Variants in MAP3K7CL observed in about 807,000 individuals in gnomAD.
The protein encoded by MAP3K7CL is MAP3K7 C-terminal like.
In MAP3K7CL, 16 loss-of-function variants were observed where a neutral mutation model predicts 18.6. The observed-to-expected ratio is 0.86, with a 90% CI of 0.58 to 1.31. MAP3K7CL has a LOEUF of 1.31. Ranked by LOEUF, MAP3K7CL falls within the 50% of genes most tolerant of loss-of-function variation. MAP3K7CL has a pLI of 0.00. For missense variants in MAP3K7CL, 163 were observed against 174.4 expected (o/e 0.93, Z 0.37); for synonymous variants, 65 against 66.8 (o/e 0.97, Z 0.13).
chr21:29,081,591 C>G (rs1344710558), upstream of MAP3K7CL, among the ~76,000 whole-genome samples: 2 of 152,216 alleles, frequency 1.3e-5, no homozygotes, highest in African/African-American at 4.8e-5. Flanking sequence ...AAGTATCTGG[C>G]CTTCCCAACT....
intron 4 of MAP3K7CL, among the ~76,000 whole-genome samples, chr21:29,092,967 G>A (rs1461958860): frequency 3.3e-5 from 5 of 152,168 alleles, no homozygotes; most frequent in Non-Finnish European, 7.3e-5. Context: ...GCAGTGGCAC[G>A]ATCTCAGCTC....
At chr21:29,090,023 C>T (rs2085995844) in intron 1 of MAP3K7CL, among the ~76,000 whole-genome samples, 2 of 152,174 alleles carry the variant, frequency 1.3e-5, no homozygotes, top group South Asian at 2.1e-4. Context: ...CTATTCGACC[C>T]ATTTCCTTGC....
At chr21:29,139,298 T>C (rs149478713) in intron 2 of MAP3K7CL, 3 of 152,338 alleles carry the variant, frequency 2.0e-5, no homozygotes, top group Non-Finnish European at 4.4e-5. Flanking sequence ...GCTAGTCAAG[T>C]GAAGCACTGG....
At chr21:29,107,023 A>T (rs118045919) in intron 4 of MAP3K7CL, among the ~76,000 whole-genome samples, 15 of 152,166 alleles carry the variant, frequency 9.9e-5, no homozygotes, top group Non-Finnish European at 1.9e-4. Context: ...GGGGTGTATT[A>T]AAGTCTGACT....
chr21:29,133,001 G>A (rs1397244211), intron 1 of MAP3K7CL, among the ~76,000 whole-genome samples: 2 of 152,054 alleles, frequency 1.3e-5, no homozygotes, highest in South Asian at 4.1e-4. Context: ...CCTTAAAGAG[G>A]CAGGATTGAA....
At chr21:29,143,429 C>CT (rs913726318) in intron 2 of MAP3K7CL, among the ~76,000 whole-genome samples, 41 of 146,944 alleles carry the variant, frequency 2.8e-4, no homozygotes, top group East Asian at 1.4e-3. Flanking sequence ...CTTTTTTTTT[C>CT]TTTTTTTTTT....
At chr21:29,102,541 T>C (rs1334800030) in intron 4 of MAP3K7CL, 2 of 146,860 alleles carry the variant, frequency 1.4e-5, no homozygotes, top group Admixed American at 1.4e-4. Context: ...GGTCTGGAAC[T>C]CCTGAGCTCA....
chr21:29,136,290 C>T (rs2086883793), intron 2 of MAP3K7CL, among the ~76,000 whole-genome samples: 1 of 152,194 alleles, frequency 6.6e-6, no homozygotes, highest in African/African-American at 2.4e-5. Flanking sequence ...CACTTGCCAT[C>T]AAGCGAGCTG....
intron 2 of MAP3K7CL, 34 bp downstream of exon 2, chr21:29,133,448 T>C: frequency 6.9e-7 from 1 of 1,459,072 alleles, no homozygotes. Flanking sequence ...ATTGTTTCCT[T>C]CATACCCCAC....
chr21:29,104,940 G>A (rs879607603), intron 4 of MAP3K7CL, among the ~76,000 whole-genome samples: 1 of 152,188 alleles, frequency 6.6e-6, no homozygotes, highest in Non-Finnish European at 1.5e-5. Flanking sequence ...TGAATCACCA[G>A]CTCTCCTGGA....
chr21:29,155,436 G>A (rs1308328126), intron 3 of MAP3K7CL, among the ~76,000 whole-genome samples: 1 of 152,158 alleles, frequency 6.6e-6, no homozygotes, highest in Non-Finnish European at 1.5e-5. Context: ...GGAAACGCCC[G>A]AGCCGGCTTT....
At chr21:29,078,734 C>G (rs1029928875) in intron 1 of MAP3K7CL, among the ~76,000 whole-genome samples, 1 of 152,140 alleles carries the variant, frequency 6.6e-6, no homozygotes, top group African/African-American at 2.4e-5. Context: ...TTGTTCATCT[C>G]CCTGTAAACC....
chr21:29,142,691 T>G lies in MAP3K7CL; in HGVS notation c.71-6498T>G, dbSNP rs559002155. Among the ~76,000 whole-genome samples the G allele has an allele frequency of 2.0e-5, 3 of 152,334 alleles. No homozygotes were observed. The South Asian group carries it at 6.2e-4, about 32-fold the overall frequency. On this transcript the variant is annotated intron_variant, in intron 2 of 4. Transcript: ENST00000399928. ...GAATGAAAAATGAACTTAATTATAT[T>G]AAGCATTCATTGTTATTACTGGTTA... is the stretch of plus-strand genomic sequence containing the variant.
intron 4 of MAP3K7CL, among the ~76,000 whole-genome samples, chr21:29,097,936 A>G (rs1319581995): frequency 2.0e-5 from 3 of 152,182 alleles, no homozygotes; most frequent in Non-Finnish European, 4.4e-5. Flanking sequence ...TTGTGTCTGT[A>G]TAATTTGAAG....
chr21:29,142,202 C>T (rs1050735312), intron 2 of MAP3K7CL, among the ~76,000 whole-genome samples: 14 of 152,094 alleles, frequency 9.2e-5, no homozygotes, highest in Middle Eastern at 3.4e-3. Context: ...GTAGCTGGGA[C>T]GTCAGGTGTG....
chr21:29,092,484 C>T (rs1305671738), exon 4 of MAP3K7CL: 1 of 1,614,240 alleles, frequency 6.2e-7, no homozygotes, highest in Non-Finnish European at 8.5e-7. Context: ...TGTTGGAGGA[C>T]AATCCAAAGG....
At chr21:29,087,668 A>G (rs2085949986) in intron 1 of MAP3K7CL, among the ~76,000 whole-genome samples, 1 of 136,832 alleles carries the variant, frequency 7.3e-6, no homozygotes, top group Admixed American at 8.7e-5. Context: ...ATCTCCGCTC[A>G]CTGCAAGCTC....
In MAP3K7CL at chr21:29,162,597, C is replaced by T. The variant is rs149654719; in HGVS notation, c.248+2541C>T. On this transcript the variant is annotated intron_variant, in intron 4 of 4. Coordinates refer to ENST00000399928, the MANE Select transcript of MAP3K7CL (RefSeq NM_001286620.2). The stretch of plus-strand genomic sequence containing the variant: ...ACTCGGGAGGCTGAGGCAGGAGAAT[C>T]GCTTGAACCCAGGAGGTGAAGGTTA... Among the ~76,000 whole-genome samples the T allele has an allele frequency of 8.6e-3, 1,292 of 150,994 alleles. 21 individuals carry two copies. The highest frequency in any genetic ancestry group is 0.03 in the African/African-American group (1,215 of 41,122).
intron 4 of MAP3K7CL, among the ~76,000 whole-genome samples, chr21:29,096,399 A>G (rs1213003756): frequency 6.6e-6 from 1 of 152,196 alleles, no homozygotes; most frequent in Non-Finnish European, 1.5e-5. Context: ...AATAATAACT[A>G]GGGTGAGGTT....
Sources: gnomAD v4.1 joint callset for allele counts (sites outside exome capture counted in the v4.1 genomes callset) on GRCh38, gnomAD v4.1.1 for gene constraint, MANE v1.5 for transcripts, NCBI Gene and HGNC (gene_info 2026-07-23, HGNC 2026-07-21) for gene names.